The following PCED1B variants were observed in gnomAD, a reference collection of about 807,000 sequenced individuals.
PCED1B encodes PC-esterase domain containing 1B.
For missense variants in PCED1B, 573 were observed against 573.9 expected (o/e 1.00, Z 0.02); for synonymous variants, 251 against 246.1 (o/e 1.02, Z -0.19).
intron 2 of PCED1B, among the ~76,000 whole-genome samples, chr12:47,131,673 CTT>C (rs760678015): frequency 5.5e-5 from 7 of 127,952 alleles, no homozygotes; most frequent in Non-Finnish European, 4.7e-5. Context: ...TGTTTTACTT[CTT>C]TTTTTTTTTT....
At chr12:47,085,336 C>T (rs1015454015) in intron 1 of PCED1B, among the ~76,000 whole-genome samples, 8 of 152,224 alleles carry the variant, frequency 5.3e-5, no homozygotes. Flanking sequence ...GTTAGCACTG[C>T]CCTGGGCAGA....
At chr12:47,095,839 A>G (rs1938462762) in intron 1 of PCED1B, among the ~76,000 whole-genome samples, 1 of 150,580 alleles carries the variant, frequency 6.6e-6, no homozygotes, top group Non-Finnish European at 1.5e-5. Flanking sequence ...CATGTTAATC[A>G]TAAGTATTAT....
At chr12:47,176,725 T>G (rs1057104644) in intron 2 of PCED1B, among the ~76,000 whole-genome samples, 1 of 152,152 alleles carries the variant, frequency 6.6e-6, no homozygotes, top group Non-Finnish European at 1.5e-5. Context: ...GAAGTTATGG[T>G]AACCTGGGGA....
At chr12:47,113,522 C>A (rs1592154491) in intron 2 of PCED1B, among the ~76,000 whole-genome samples, 2 of 152,318 alleles carry the variant, frequency 1.3e-5, no homozygotes, top group South Asian at 4.1e-4. Context: ...GCTCCTGCTT[C>A]AAATCCTATT....
intron 2 of PCED1B, among the ~76,000 whole-genome samples, chr12:47,180,459 A>G (rs2137598973): frequency 6.6e-6 from 1 of 152,354 alleles, no homozygotes; most frequent in East Asian, 1.9e-4. Context: ...TACACCTTAT[A>G]CAAAAATTAA....
chr12:47,183,634 A>C (rs1437157868), intron 2 of PCED1B, among the ~76,000 whole-genome samples: 3 of 152,072 alleles, frequency 2.0e-5, no homozygotes, highest in Non-Finnish European at 4.4e-5. Flanking sequence ...CGGGTATTTT[A>C]CTGAACACAG....
intron 2 of PCED1B, among the ~76,000 whole-genome samples, chr12:47,142,955 AAAT>A (rs1940651845): frequency 6.6e-6 from 1 of 152,208 alleles, no homozygotes; most frequent in Admixed American, 6.5e-5. Flanking sequence ...ACAAAAATAA[AAAT>A]AAAAACTGTA....
intron 2 of PCED1B, among the ~76,000 whole-genome samples, chr12:47,177,489 G>C (rs1243823421): frequency 3.9e-5 from 6 of 152,174 alleles, no homozygotes; most frequent in Non-Finnish European, 8.8e-5. Context: ...TGTACTTGGA[G>C]TCTTCTGCTT....
intron 2 of PCED1B, among the ~76,000 whole-genome samples, chr12:47,173,134 G>A (rs959387077): frequency 9.2e-5 from 14 of 152,272 alleles, no homozygotes; most frequent in South Asian, 6.2e-4. Flanking sequence ...GCATTAAATC[G>A]GATGATTAAA....
At chr12:47,083,281 T>C (rs1197103462) in intron 1 of PCED1B, among the ~76,000 whole-genome samples, 1 of 152,126 alleles carries the variant, frequency 6.6e-6, no homozygotes, top group Non-Finnish European at 1.5e-5. Flanking sequence ...CCTTTGACTC[T>C]ACCACGCGTC....
At chr12:47,121,130 G>A (rs1011476735) in intron 2 of PCED1B, among the ~76,000 whole-genome samples, 22 of 152,150 alleles carry the variant, frequency 1.4e-4, no homozygotes, top group African/African-American at 5.3e-4. Context: ...CATTTTAAAT[G>A]GATAAAGTGT....
At chr12:47,200,697 G>T (rs1942737493) in intron 2 of PCED1B, among the ~76,000 whole-genome samples, 1 of 152,174 alleles carries the variant, frequency 6.6e-6, no homozygotes, top group African/African-American at 2.4e-5. Flanking sequence ...CCAAAACTTG[G>T]CAGCAAATGC....
At chr12:47,153,151 C>A (rs1196164448) in intron 2 of PCED1B, among the ~76,000 whole-genome samples, 1 of 151,628 alleles carries the variant, frequency 6.6e-6, no homozygotes, top group Non-Finnish European at 1.5e-5. Flanking sequence ...AGATCAAGAC[C>A]ATCCTGGCTA....
chr12:47,126,742 A>G (rs1360428457), intron 2 of PCED1B, among the ~76,000 whole-genome samples: 1 of 152,104 alleles, frequency 6.6e-6, no homozygotes, highest in Non-Finnish European at 1.5e-5. Flanking sequence ...GTGTCTTTCA[A>G]GGAATTCATC....
In PCED1B at chr12:47,212,074, C is replaced by CAA. The variant is rs34413650; in HGVS notation, c.-525-4129_-525-4128dup. 1.7e-4 allele frequency among the ~76,000 whole-genome samples: 15 copies of CAA among 89,136 alleles called. 1 individual carries two copies. Among genetic ancestry groups the CAA allele is most frequent in the South Asian group, 7.5e-4 (2 of 2,666 alleles). 58.5% of individuals were successfully genotyped at this position (89,136 alleles called of 152,430 possible). A position where few individuals can be genotyped will look rare whatever the true frequency, so the allele number is the denominator to read the frequency against. ...TGGGAGACAGAGCGAGACTCCGTCTCAAAAAAAAAAAAAAAAAAAACCCAA... is the reference window on the plus strand; with the variant it reads ...TGGGAGACAGAGCGAGACTCCGTCTCAAAAAAAAAAAAAAAAAAAAAACCCAA... On this transcript the variant is annotated intron_variant, in intron 2 of 3. Transcript: ENST00000546455.
chr12:47,104,243 C>T (rs150202374), intron 2 of PCED1B, 48 bp downstream of exon 2: 1 of 152,300 alleles, frequency 6.6e-6, no homozygotes, highest in East Asian at 1.9e-4. Context: ...TTGGCGAAGG[C>T]TCTTCCTCTA....
At chr12:47,200,995 C>T (rs1942746418) in intron 2 of PCED1B, among the ~76,000 whole-genome samples, 1 of 152,068 alleles carries the variant, frequency 6.6e-6, no homozygotes, top group Non-Finnish European at 1.5e-5. Context: ...TACTGTTGTA[C>T]CTGAGTGAGT....
chr12:47,167,193 T>G (rs1025503350), intron 2 of PCED1B, among the ~76,000 whole-genome samples: 1 of 152,150 alleles, frequency 6.6e-6, no homozygotes, highest in East Asian at 1.9e-4. Context: ...TTGTGCCCTA[T>G]TTTTAGAGCT....
rs183205516 is a variant in PCED1B, at chr12:47,084,250, G to A, written c.-609+4525G>A. Among the ~76,000 whole-genome samples the A allele has an allele frequency of 4.6e-5, 7 of 152,298 alleles. No homozygotes were observed. The East Asian group carries it at 1.2e-3, about 25-fold the overall frequency. On this transcript the variant is annotated intron_variant, in intron 1 of 3. Transcript: ENST00000546455. ...AAGTCTATATTATATTTAAAAAAGTGTTGAATTGCTCATGGAATTCATTGA... is the reference window on the plus strand; with the variant it reads ...AAGTCTATATTATATTTAAAAAAGTATTGAATTGCTCATGGAATTCATTGA...
Sources: gnomAD v4.1 joint callset for allele counts (sites outside exome capture counted in the v4.1 genomes callset) on GRCh38, gnomAD v4.1.1 for gene constraint, MANE v1.5 for transcripts, NCBI Gene and HGNC (gene_info 2026-07-23, HGNC 2026-07-21) for gene names.